The following MIR2052HG variants were observed in gnomAD, a reference collection of about 807,000 sequenced individuals.
MIR2052HG encodes the protein MIR2052 host gene.
Position 74,600,191 on chromosome 8 carries a change from C to T in MIR2052HG, n.128+283C>T, listed in dbSNP as rs143821613. ...AAATGCAGAAATCACCCTTCTTCTG[C>T]GTCACTCACGCTGGGAGCTGTAGAC... On this transcript the variant is annotated intron_variant and non_coding_transcript_variant, in intron 1 of 6. Coordinates refer to ENST00000523442, the Ensembl canonical transcript of MIR2052HG. Among the ~76,000 whole-genome samples the T allele has an allele frequency of 2.8e-3, 430 of 152,214 alleles. 3 individuals carry two copies. The highest frequency in any genetic ancestry group is 9.5e-3 in the African/African-American group (394 of 41,540).
intron 2 of MIR2052HG, among the ~76,000 whole-genome samples, chr8:74,670,068 C>CT (rs1808974169): frequency 6.6e-6 from 1 of 152,192 alleles, no homozygotes; most frequent in Admixed American, 6.5e-5. Flanking sequence ...AAGAAGGCTG[C>CT]TGTCTGCAAG....
chr8:74,645,899 AT>A (rs1808686297), intron 2 of MIR2052HG, among the ~76,000 whole-genome samples: 1 of 152,110 alleles, frequency 6.6e-6, no homozygotes, highest in African/African-American at 2.4e-5. Flanking sequence ...ACCTAAGCCT[AT>A]GTTTTTTGTG....
intron 2 of MIR2052HG, among the ~76,000 whole-genome samples, chr8:74,663,679 C>T (rs1220437772): frequency 6.6e-6 from 1 of 152,202 alleles, no homozygotes; most frequent in Non-Finnish European, 1.5e-5. Context: ...TGCAGAATCT[C>T]AGGAGGCTAA....
chr8:74,620,628 T>C (rs1266986378), intron 2 of MIR2052HG, among the ~76,000 whole-genome samples: 1 of 152,248 alleles, frequency 6.6e-6, no homozygotes, highest in Non-Finnish European at 1.5e-5. Context: ...CTGACCCTTT[T>C]TAGCCAGGGC....
At chr8:74,633,777 G>T (rs1362483046) in intron 2 of MIR2052HG, among the ~76,000 whole-genome samples, 1 of 152,140 alleles carries the variant, frequency 6.6e-6, no homozygotes, top group Non-Finnish European at 1.5e-5. Context: ...TAGATGTATT[G>T]GTATGCAATT....
intron 2 of MIR2052HG, among the ~76,000 whole-genome samples, chr8:74,663,962 A>G (rs1430977394): frequency 6.6e-6 from 1 of 152,076 alleles, no homozygotes; most frequent in Non-Finnish European, 1.5e-5. Flanking sequence ...ATTGGTGATG[A>G]GAAAGAAACG....
Position 74,720,845 on chromosome 8 carries a change from A to G in MIR2052HG, n.371+17163A>G, listed in dbSNP as rs77775718. ...AGCAAGGCACATCTTACATGGTGGT[A>G]GGAGAGAGAGAGAGTGAAGAGGGAA... On this transcript the variant is annotated intron_variant and non_coding_transcript_variant, in intron 4 of 6. Transcript: ENST00000523442. 8.0e-3 allele frequency among the ~76,000 whole-genome samples: 1,218 copies of G among 152,190 alleles called. 22 individuals carry two copies. The highest frequency in any genetic ancestry group is 0.027 in the African/African-American group (1,134 of 41,518).
intron 4 of MIR2052HG, among the ~76,000 whole-genome samples, chr8:74,745,841 A>C (rs1345087691): frequency 6.6e-6 from 1 of 152,186 alleles, no homozygotes; most frequent in Non-Finnish European, 1.5e-5. Flanking sequence ...TAATAATCTT[A>C]GTTCAGCCTT....
intron 3 of MIR2052HG, among the ~76,000 whole-genome samples, chr8:74,702,736 A>G (rs1443459642): frequency 6.6e-6 from 1 of 152,102 alleles, no homozygotes; most frequent in Non-Finnish European, 1.5e-5. Flanking sequence ...GAATTTAATA[A>G]TCAATTCAAT....
chr8:74,691,656 A>G (rs1199104761), intron 2 of MIR2052HG, among the ~76,000 whole-genome samples: 2 of 152,192 alleles, frequency 1.3e-5, no homozygotes, highest in Admixed American at 1.3e-4. Context: ...TTTGCATTGA[A>G]GGCTATAGAA....
At chr8:74,700,167 G>A (rs1280156404) in intron 2 of MIR2052HG, among the ~76,000 whole-genome samples, 1 of 152,140 alleles carries the variant, frequency 6.6e-6, no homozygotes, top group East Asian at 1.9e-4. Context: ...CAATGGTGGA[G>A]CTTAATGTAT....
At chr8:74,638,930 G>A (rs1209145579) in intron 2 of MIR2052HG, among the ~76,000 whole-genome samples, 2 of 152,252 alleles carry the variant, frequency 1.3e-5, no homozygotes, top group Admixed American at 6.5e-5. Flanking sequence ...TGAGGACTGA[G>A]TCCTGGAGAA....
intron 2 of MIR2052HG, among the ~76,000 whole-genome samples, chr8:74,686,366 T>C (rs1234231941): frequency 6.6e-6 from 1 of 152,034 alleles, no homozygotes; most frequent in East Asian, 1.9e-4. Context: ...CAAAATAATA[T>C]TATTATGAGT....
intron 2 of MIR2052HG, among the ~76,000 whole-genome samples, chr8:74,685,163 G>C (rs956888514): frequency 6.6e-6 from 1 of 152,012 alleles, no homozygotes; most frequent in Admixed American, 6.6e-5. Flanking sequence ...CATTCTGGAA[G>C]CATTTATAAG....
At chr8:74,620,730 C>T (rs114873724) in intron 2 of MIR2052HG, among the ~76,000 whole-genome samples, 3,710 of 152,310 alleles carry the variant, frequency 0.024, 135 homozygotes, top group African/African-American at 0.08. Context: ...CCATTTTTCC[C>T]ACCTAGGCCT....
chr8:74,721,298 A>G (rs1207492145), intron 4 of MIR2052HG, among the ~76,000 whole-genome samples: 1 of 152,216 alleles, frequency 6.6e-6, no homozygotes, highest in Non-Finnish European at 1.5e-5. Context: ...GGAAAGCTAT[A>G]TAAAGTAGTT....
chr8:74,614,183 A>G (rs1473884210), intron 2 of MIR2052HG, among the ~76,000 whole-genome samples: 1 of 152,224 alleles, frequency 6.6e-6, no homozygotes, highest in Non-Finnish European at 1.5e-5. Context: ...TAAGAGTTGA[A>G]TATTATTGAA....
chr8:74,699,824 G>A (rs1021605340), intron 2 of MIR2052HG, among the ~76,000 whole-genome samples: 1 of 152,018 alleles, frequency 6.6e-6, no homozygotes, highest in Non-Finnish European at 1.5e-5. Flanking sequence ...GTTTCTATAT[G>A]GTAAAATGCC....
chr8:74,611,556 C>T (rs942703074), intron 1 of MIR2052HG, among the ~76,000 whole-genome samples: 1 of 152,160 alleles, frequency 6.6e-6, no homozygotes, highest in Non-Finnish European at 1.5e-5. Context: ...ATGTAAAAAA[C>T]ACATTTCTTT....
Sources: gnomAD v4.1 joint callset for allele counts (sites outside exome capture counted in the v4.1 genomes callset) on GRCh38, gnomAD v4.1.1 for gene constraint, MANE v1.5 for transcripts, NCBI Gene and HGNC (gene_info 2026-07-23, HGNC 2026-07-21) for gene names.